The following DMD variants were observed in gnomAD, a reference collection of about 807,000 sequenced individuals.
DMD encodes the protein mutant dystrophin.
In DMD, 63 loss-of-function variants were observed where a neutral mutation model predicts 330.1. The observed-to-expected ratio is 0.19, with a 90% confidence interval of 0.16 to 0.24. The LOEUF (loss-of-function observed/expected upper bound fraction) is 0.24. Ranked by LOEUF, DMD falls within the 10% of genes least tolerant of loss-of-function variation. The pLI is 1.00. For missense variants in DMD, 3,344 were observed against 2,684.1 expected, an observed-to-expected ratio of 1.25 and a Z score of -5.43; for synonymous variants, 1,223 against 959.8, an observed-to-expected ratio of 1.27 and a Z score of -5.07.
intron 34 of DMD, among the ~76,000 whole-genome samples, chrX:32,366,195 C>G (rs2097853942): frequency 8.9e-6 from 1 of 111,920 alleles, no homozygotes; most frequent in South Asian, 3.7e-4. Context: ...GGTTTACTAC[C>G]TGCCCTGCAT....
chrX:33,206,194 A>C (rs1426413086), intron 1 of DMD, among the ~76,000 whole-genome samples: 3 of 112,325 alleles, frequency 2.7e-5, no homozygotes, highest in Admixed American at 1.9e-4. Flanking sequence ...CCTACATATT[A>C]TTCACCAGTC....
intron 2 of DMD, among the ~76,000 whole-genome samples, chrX:32,891,370 A>G (rs539356554): frequency 3.6e-5 from 4 of 112,484 alleles, no homozygotes; most frequent in Middle Eastern, 4.6e-3. Flanking sequence ...AAGATGGCCT[A>G]ACAACATTAG....
At chrX:33,301,382 A>T (rs1000061622) in intron 1 of DMD, among the ~76,000 whole-genome samples, 2 of 109,593 alleles carry the variant, frequency 1.8e-5, no homozygotes, top group East Asian at 2.9e-4. Context: ...TTCATGGTAT[A>T]TTTTTTTTTA....
At chrX:32,860,885 G>A (rs1260978353) in intron 2 of DMD, among the ~76,000 whole-genome samples, 2 of 111,403 alleles carry the variant, frequency 1.8e-5, no homozygotes, top group African/African-American at 6.5e-5. Context: ...GAAAAATGCT[G>A]GTTTTGTATT....
intron 18 of DMD, among the ~76,000 whole-genome samples, chrX:32,506,276 G>A (rs1471756424): frequency 1.8e-5 from 2 of 110,242 alleles, no homozygotes; most frequent in Non-Finnish European, 3.8e-5. Context: ...ATCTGTGGGA[G>A]CCGGGTTATA....
chrX:31,331,468 C>T (rs2057118594), intron 61 of DMD, among the ~76,000 whole-genome samples: 1 of 110,621 alleles, frequency 9.0e-6, no homozygotes, highest in African/African-American at 3.3e-5. Flanking sequence ...TGCTTCTAAC[C>T]GACTTATAGA....
At chrX:32,132,839 A>T (rs1236647366) in intron 44 of DMD, among the ~76,000 whole-genome samples, 2 of 110,541 alleles carry the variant, frequency 1.8e-5, no homozygotes, top group African/African-American at 6.6e-5. Flanking sequence ...TATCTAAAAA[A>T]ATTACTGCTT....
chrX:31,340,050 G>C (rs2057640794), intron 61 of DMD, among the ~76,000 whole-genome samples: 1 of 112,397 alleles, frequency 8.9e-6, no homozygotes, highest in Admixed American at 9.4e-5. Context: ...AAGTGTGTAT[G>C]TGTAGTGGGG....
intron 22 of DMD, among the ~76,000 whole-genome samples, chrX:32,471,580 C>T (rs1362883558): frequency 8.9e-6 from 1 of 111,934 alleles, no homozygotes; most frequent in African/African-American, 3.2e-5. Context: ...TCACTACTTC[C>T]TAAATAATAC....
At chrX:32,084,829 G>A (rs2096418863) in intron 44 of DMD, among the ~76,000 whole-genome samples, 1 of 111,067 alleles carries the variant, frequency 9.0e-6, no homozygotes, top group Non-Finnish European at 1.9e-5. Context: ...GTCTCGGAAG[G>A]CGGGGAATTA....
intron 1 of DMD, among the ~76,000 whole-genome samples, chrX:33,183,752 T>C (rs1194302375): frequency 9.3e-6 from 1 of 107,826 alleles, no homozygotes. Context: ...TTCTTATCTC[T>C]AGACCTTGAA....
intron 11 of DMD, among the ~76,000 whole-genome samples, chrX:32,641,799 T>A (rs59480298): frequency 0.026 from 2,844 of 110,756 alleles, 96 homozygotes; most frequent in African/African-American, 0.086. Flanking sequence ...CCAAACCCTG[T>A]CTTAGGTAGA....
intron 47 of DMD, among the ~76,000 whole-genome samples, chrX:31,897,805 T>G (rs372320286): frequency 0.16 from 17,167 of 107,472 alleles, 1,156 homozygotes; most frequent in African/African-American, 0.2. Flanking sequence ...TGGAGTTCAT[T>G]GTAGATTCTG....
chrX:31,971,062 C>T (rs761478281), intron 44 of DMD, among the ~76,000 whole-genome samples: 1 of 111,653 alleles, frequency 9.0e-6, no homozygotes, highest in African/African-American at 3.2e-5. Context: ...GGAGATCTTA[C>T]TAAACTGCAA....
chrX:33,181,554 T>C (rs1255265619), intron 1 of DMD, among the ~76,000 whole-genome samples: 2 of 111,801 alleles, frequency 1.8e-5, no homozygotes, highest in African/African-American at 3.3e-5. Flanking sequence ...CAAAGTCTAA[T>C]TCTAACTCAG....
At chrX:33,149,984 T>C (rs547706541) in intron 1 of DMD, among the ~76,000 whole-genome samples, 2 of 111,937 alleles carry the variant, frequency 1.8e-5, no homozygotes, top group African/African-American at 6.5e-5. Flanking sequence ...TTGTTCCCAT[T>C]CCTGCTCATG....
chrX:32,320,389 C>T (rs889585669), intron 41 of DMD, among the ~76,000 whole-genome samples: 16 of 111,324 alleles, frequency 1.4e-4, no homozygotes, highest in Middle Eastern at 4.2e-3. Flanking sequence ...CTACACTTGA[C>T]GAAAGAAATG....
At chrX:33,276,276 TG>T (rs1157612743) in intron 1 of DMD, among the ~76,000 whole-genome samples, 1 of 111,435 alleles carries the variant, frequency 9.0e-6, no homozygotes, top group Non-Finnish European at 1.9e-5. Flanking sequence ...CAGGCCATGG[TG>T]AAACAGGAAA....
At chrX:31,345,872 A>C (rs2058052955) in intron 61 of DMD, among the ~76,000 whole-genome samples, 1 of 111,976 alleles carries the variant, frequency 8.9e-6, no homozygotes, top group South Asian at 3.8e-4. Flanking sequence ...AGTTAGAGCC[A>C]GTCCAGAAAA....
Sources: allele counts gnomAD v4.1 joint callset (sites outside exome capture counted in the v4.1 genomes callset), GRCh38; gene constraint gnomAD v4.1.1; transcripts MANE v1.5; gene names NCBI Gene and HGNC (gene_info 2026-07-23, HGNC 2026-07-21).